The following NR5A2 variants were observed in gnomAD, a reference collection of about 807,000 sequenced individuals.
NR5A2 encodes nuclear receptor subfamily 5 group A member 2.
A neutral mutation model predicts 62.7 loss-of-function variants in NR5A2; 26 were observed. That is an observed-to-expected ratio of 0.41 (90% CI 0.30 to 0.58). NR5A2 has a LOEUF of 0.58. Ranked by LOEUF, NR5A2 falls within the 20% of genes least tolerant of loss-of-function variation. NR5A2 has a pLI of 0.22. For missense variants in NR5A2, 541 were observed against 669.1 expected (o/e 0.81, Z 2.11); for synonymous variants, 246 against 241.7 (o/e 1.02, Z -0.16).
At chr1:200,045,789 A>G (rs1662331873) in intron 4 of NR5A2, among the ~76,000 whole-genome samples, 1 of 152,164 alleles carries the variant, frequency 6.6e-6, no homozygotes, top group Non-Finnish European at 1.5e-5. Flanking sequence ...AAAATTTAAA[A>G]TATTAGTTGT....
rs912286147 is a variant in NR5A2, at chr1:200,088,536, C to T, written c.1111-22666C>T. Among the ~76,000 whole-genome samples, 3 of 151,142 alleles carry T rather than the reference C, an allele frequency of 2.0e-5. No individual in the cohort carries two copies. In the East Asian group the frequency reaches 6.0e-4, roughly 30 times the overall value. ...CCTCCCAAAGTGCTGGGATTACAGG[C>T]GTGAGCCACCATGCCTGACCGCCCA... On this transcript the variant is annotated intron_variant, in intron 5 of 7. Transcript: ENST00000367362.
At chr1:200,126,822 A>G (rs561847420) in intron 7 of NR5A2, among the ~76,000 whole-genome samples, 24 of 152,120 alleles carry the variant, frequency 1.6e-4, no homozygotes, top group Non-Finnish European at 2.8e-4. Flanking sequence ...TGGCCTATGA[A>G]GGGGATTAGT....
chr1:200,045,697 C>T (rs1007895274), intron 4 of NR5A2, 113 bp downstream of exon 4: 23 of 761,180 alleles, frequency 3.0e-5, no homozygotes, highest in Middle Eastern at 6.7e-4. Flanking sequence ...TTAACACTAC[C>T]GACAATACTG....
chr1:200,080,326 C>T (rs1209802982), intron 5 of NR5A2, among the ~76,000 whole-genome samples: 2 of 152,106 alleles, frequency 1.3e-5, no homozygotes, highest in African/African-American at 2.4e-5. Flanking sequence ...AATCATTTGC[C>T]TCAGCCTCTT....
At chr1:200,070,394 T>C (rs879883606) in intron 5 of NR5A2, among the ~76,000 whole-genome samples, 2 of 152,084 alleles carry the variant, frequency 1.3e-5, no homozygotes, top group Non-Finnish European at 2.9e-5. Flanking sequence ...ATATATACTT[T>C]AAATGAAATG....
At chr1:200,077,248 C>G (rs1558124224) in intron 5 of NR5A2, among the ~76,000 whole-genome samples, 1 of 152,130 alleles carries the variant, frequency 6.6e-6, no homozygotes, top group Non-Finnish European at 1.5e-5. Context: ...AAGGGTCATA[C>G]AACAAAATCT....
intron 5 of NR5A2, chr1:200,057,393 A>G (rs1662964743): frequency 5.2e-6 from 1 of 192,648 alleles, no homozygotes; most frequent in Admixed American, 6.4e-5. Context: ...CTCGTATAAC[A>G]TGTTCTCTGT....
At chr1:200,054,696 C>T (rs1024079721) in intron 5 of NR5A2, among the ~76,000 whole-genome samples, 5 of 152,072 alleles carry the variant, frequency 3.3e-5, no homozygotes, top group African/African-American at 4.8e-5. Context: ...TTATCTAAAG[C>T]GAGGGCACAA....
At chr1:200,032,453 C>T (rs1349660031) in intron 1 of NR5A2, among the ~76,000 whole-genome samples, 1 of 152,146 alleles carries the variant, frequency 6.6e-6, no homozygotes. Context: ...CACCAAATAA[C>T]CTGAATGCAG....
At position 200,132,820 on chromosome 1, in the gene NR5A2, G is replaced by C. The variant is rs535491875; in HGVS notation, c.1378+11865G>C. Among the ~76,000 whole-genome samples, 8 of 152,306 alleles carry C rather than the reference G, an allele frequency of 5.3e-5. No homozygotes were observed. The South Asian group carries it at 1.7e-3, about 32-fold the overall frequency. Reference sequence around the variant, plus strand: ...GGATCACCTCCAGGAGCCTTAGCAAGGGGCACTGTCCCTAACACCCACATC... The same window carrying C: ...GGATCACCTCCAGGAGCCTTAGCAACGGGCACTGTCCCTAACACCCACATC... On this transcript the variant is annotated intron_variant, in intron 7 of 7. Coordinates refer to ENST00000367362, the MANE Select transcript of NR5A2 (RefSeq NM_205860.3).
intron 5 of NR5A2, among the ~76,000 whole-genome samples, chr1:200,103,832 G>A (rs78130611): frequency 0.011 from 1,732 of 152,308 alleles, 36 homozygotes; most frequent in African/African-American, 0.04. Context: ...GAATTTGGAA[G>A]AGGTGATTGT....
At position 200,048,367 on chromosome 1, in the gene NR5A2, C is replaced by T; in HGVS notation, c.659C>T (p.Ser220Phe). Residue 220 changes from serine to phenylalanine, a missense_variant, in exon 5 of 8, where the codon TCC becomes TTC. Transcript: ENST00000367362. This position sits in a 1 kb window ranked among gnomAD's most constrained non-coding sequence, Gnocchi z 4.8. ...SSAIQNIHSA[S>F]KGLPLNHAAL... is the part of the protein sequence containing the mutation. ...GCAATTCAAAACATCCACTCTGCCT[C>T]CAAAGGCCTACCTCTGAACCATGCT... 6.2e-7 allele frequency: 1 copy of T among 1,614,196 alleles called. No homozygotes were observed. Among genetic ancestry groups the T allele is most frequent in the East Asian group, 2.2e-5 (1 of 44,876 alleles).
At chr1:200,138,052 T>A (rs559114971) in intron 7 of NR5A2, among the ~76,000 whole-genome samples, 1 of 152,342 alleles carries the variant, frequency 6.6e-6, no homozygotes, top group African/African-American at 2.4e-5. Flanking sequence ...CCAACTTATG[T>A]ATTTTAGATT....
chr1:200,051,359 CCT>C (rs1662622653), intron 5 of NR5A2, among the ~76,000 whole-genome samples: 2 of 152,294 alleles, frequency 1.3e-5, no homozygotes, highest in Admixed American at 6.5e-5. Context: ...TTCCACTATT[CCT>C]CTCTTTTCCC....
At chr1:200,151,869 G>A (rs141940699) in intron 7 of NR5A2, among the ~76,000 whole-genome samples, 2 of 152,368 alleles carry the variant, frequency 1.3e-5, no homozygotes, top group Non-Finnish European at 2.9e-5. Flanking sequence ...TGCTGCAATA[G>A]TCATGCGCTC....
At chr1:200,076,556 T>C (rs1664051167) in intron 5 of NR5A2, among the ~76,000 whole-genome samples, 2 of 152,114 alleles carry the variant, frequency 1.3e-5, no homozygotes, top group African/African-American at 4.8e-5. Context: ...TATTATAGTA[T>C]CTTTTTCATT....
At chr1:200,085,171 C>A (rs951112147) in intron 5 of NR5A2, among the ~76,000 whole-genome samples, 1 of 152,146 alleles carries the variant, frequency 6.6e-6, no homozygotes, top group Non-Finnish European at 1.5e-5. Flanking sequence ...TTACTTAGCT[C>A]GTTTTAGGCT....
chr1:200,104,925 A>T lies in NR5A2; in HGVS notation c.1111-6277A>T, dbSNP rs151134138. Reference sequence around the variant, plus strand: ...TAGTCTGCCTGCCTCGGCCTCCCAAAATGCTGGCATTACAGGCGTGAACCA... The same window carrying T: ...TAGTCTGCCTGCCTCGGCCTCCCAATATGCTGGCATTACAGGCGTGAACCA... On this transcript the variant is annotated intron_variant, in intron 5 of 7. Transcript: ENST00000367362. 6.7e-3 allele frequency among the ~76,000 whole-genome samples: 1,024 copies of T among 152,196 alleles called. 9 individuals are homozygous for T. The highest frequency in any genetic ancestry group is 0.021 in the African/African-American group (875 of 41,528).
intron 5 of NR5A2, among the ~76,000 whole-genome samples, chr1:200,063,084 C>G (rs541327747): frequency 2.7e-5 from 4 of 150,620 alleles, no homozygotes; most frequent in African/African-American, 9.8e-5. Flanking sequence ...AGTGCAGTGT[C>G]GCGATTTCGG....
Sources: gnomAD v4.1 joint callset for allele counts (sites outside exome capture counted in the v4.1 genomes callset) on GRCh38, gnomAD v4.1.1 for gene constraint, Gnocchi (gnomAD v3.1) non-coding constraint, MANE v1.5 for transcripts, NCBI Gene and HGNC (gene_info 2026-07-23, HGNC 2026-07-21) for gene names.